SLC6A12: variants seen among roughly 807,000 people sequenced by gnomAD.
SLC6A12 encodes the protein solute carrier family 6 member 12, also known as sodium- and chloride-dependent betaine transporter.
A neutral mutation model predicts 73.3 loss-of-function variants in SLC6A12; 50 were observed. That is an observed-to-expected ratio of 0.68 (90% CI 0.54 to 0.86). The LOEUF (loss-of-function observed/expected upper bound fraction) is 0.86. Ranked by LOEUF, SLC6A12 falls within the 40% of genes least tolerant of loss-of-function variation. The probability of loss-of-function intolerance (pLI) is 0.00; values close to 1 mark genes in which losing one functional copy is unlikely to be tolerated. For missense variants in SLC6A12, 648 were observed against 772.8 expected, an observed-to-expected ratio of 0.84 and a Z score of 1.92; for synonymous variants, 304 against 309.2, an observed-to-expected ratio of 0.98 and a Z score of 0.18.
chr12:209,077 C>A (rs1940790441), intron 3 of SLC6A12, among the ~76,000 whole-genome samples: 2 of 152,140 alleles, frequency 1.3e-5, no homozygotes, highest in South Asian at 4.1e-4. Flanking sequence ...CTCATTCCAT[C>A]CCAGCCACAC....
chr12:201,631 G>T, intron 6 of SLC6A12, 131 bp downstream of exon 6: 2 of 702,124 alleles, frequency 2.8e-6, no homozygotes, highest in Non-Finnish European at 5.1e-6. Flanking sequence ...GTGTGGGGTT[G>T]GAGTGGGGCG....
At chr12:200,407 A>T (rs216241) in intron 7 of SLC6A12, among the ~76,000 whole-genome samples, 1 of 152,012 alleles carries the variant, frequency 6.6e-6, no homozygotes, top group African/African-American at 2.4e-5. Flanking sequence ...TGCACCCGGC[A>T]GCCCTGAATA....
intron 2 of SLC6A12, chr12:210,308 G>A: frequency 8.3e-7 from 1 of 1,209,412 alleles, no homozygotes; most frequent in Non-Finnish European, 1.0e-6. Flanking sequence ...CTCAGGCTCG[G>A]GCTTTTCATT....
intron 7 of SLC6A12, 74 bp from the exon 8 acceptor site, chr12:199,005 G>T: frequency 1.3e-6 from 2 of 1,515,118 alleles, no homozygotes; most frequent in Non-Finnish European, 1.8e-6. Context: ...CCCACAGGCA[G>T]CTCGAGTCAC....
At chr12:189,400 C>T (rs1390831716), downstream of SLC6A12, among the ~76,000 whole-genome samples, 1 of 152,176 alleles carries the variant, frequency 6.6e-6, no homozygotes, top group Non-Finnish European at 1.5e-5. Context: ...CTTCTCTCCC[C>T]ACTAGCCGGT....
intron 3 of SLC6A12, among the ~76,000 whole-genome samples, chr12:209,435 C>T (rs11061978): frequency 0.38 from 57,819 of 151,912 alleles, 11,877 homozygotes; most frequent in Non-Finnish European, 0.47. Context: ...GGGTCTGGCA[C>T]GTGACAGGCC....
Position 190,127 on chromosome 12 carries a change from G to A in SLC6A12, c.*941C>T. The stretch of plus-strand genomic sequence containing the variant: ...TTGTTAACTAAGGCAGGGGGTTAAT[G>A]GGAAGACACTGGCCTGAGCACAAGG... On this transcript the variant is annotated 3_prime_UTR_variant, in exon 16 of 16. Transcript: ENST00000684302. 1 of 152,274 alleles carries A rather than the reference G, an allele frequency of 6.6e-6. No individual in the cohort carries two copies. The highest frequency in any genetic ancestry group is 1.5e-5 in the Non-Finnish European group (1 of 68,082). 9.4% of individuals were successfully genotyped at this position (152,274 alleles called of 1,614,324 possible). A position where few individuals can be genotyped will look rare whatever the true frequency, so the allele number is the denominator to read the frequency against.
intron 3 of SLC6A12, among the ~76,000 whole-genome samples, chr12:207,228 G>A (rs1940696201): frequency 6.6e-6 from 1 of 152,244 alleles, no homozygotes; most frequent in Non-Finnish European, 1.5e-5. Flanking sequence ...ATGGGCACGG[G>A]CGGCCCAGCG....
At chr12:197,128 T>C (rs1591785747) in intron 10 of SLC6A12, among the ~76,000 whole-genome samples, 3 of 95,758 alleles carry the variant, frequency 3.1e-5, no homozygotes, top group African/African-American at 8.1e-5. Context: ...CATCCATCCA[T>C]CCATCCATCC....
chr12:207,291 G>C (rs558075714), intron 3 of SLC6A12, among the ~76,000 whole-genome samples: 1 of 152,352 alleles, frequency 6.6e-6, no homozygotes, highest in East Asian at 1.9e-4. Flanking sequence ...GACCTTTACC[G>C]ACACGGTGCC....
chr12:201,571 C>T (rs1754755633), intron 6 of SLC6A12, 191 bp downstream of exon 6: 2 of 586,016 alleles, frequency 3.4e-6, no homozygotes, highest in South Asian at 2.0e-5. Flanking sequence ...TGTGAGTCTC[C>T]GTGGACCCGT....
rs1003224730 is a variant in SLC6A12 at position 198,961 on chromosome 12, T to A, written c.712-30A>T. The A allele has an allele frequency of 6.2e-7, 1 of 1,612,776 alleles. No individual in the cohort carries two copies. Among genetic ancestry groups the A allele is most frequent in the Non-Finnish European group, 8.5e-7 (1 of 1,179,158 alleles). ...AGGTGGGGGGACAGGCCAAGGTCAC[T>A]CCTGGTGGGGACGCAGTGGCCCTCC... On this transcript the variant is annotated intron_variant, in intron 7 of 15. Transcript: ENST00000684302. This position sits in a 1 kb window ranked among gnomAD's most constrained non-coding sequence, Gnocchi z 4.0.
In SLC6A12 at chr12:204,665, A is replaced by C. The variant is rs1940529897; in HGVS notation, c.248T>G (p.Phe83Cys). The stretch of plus-strand genomic sequence containing the variant: ...GAAGAACACCGGGATGCCGCAGACA[A>C]AGAAGAAGATGAAGTAGGGGATGAA... Reference protein sequence around the residue: ...AFFIPYFIFFFVCGIPVFFLE... With the variant: ...AFFIPYFIFFCVCGIPVFFLE... Residue 83 changes from phenylalanine (F) to cysteine (C), a missense_variant, in exon 4 of 16, where the codon TTT becomes TGT. Phe to Cys is a radical substitution (Grantham distance 205). Coordinates refer to ENST00000684302, the MANE Select transcript of SLC6A12 (RefSeq NM_001122848.3). 3.7e-6 allele frequency: 6 copies of C among 1,614,086 alleles called. No homozygotes were observed. The highest frequency in any genetic ancestry group is 5.1e-6 in the Non-Finnish European group (6 of 1,179,962).
rs1321851033 is a variant in SLC6A12, at chr12:198,080, C to A, written c.847-77G>T. 16 of 1,164,340 alleles carry A rather than the reference C, an allele frequency of 1.4e-5. No individual in the cohort carries two copies. The Admixed American group carries it at 2.9e-4, about 21-fold the overall frequency. 72.1% of individuals were successfully genotyped at this position (1,164,340 alleles called of 1,614,324 possible). A position where few individuals can be genotyped will look rare whatever the true frequency, so the allele number is the denominator to read the frequency against. ...AGGGTGACCCGAGATCCAGACCCGT[C>A]CCCTGCAGCACCAGCCTGGCCCCTC... On this transcript the variant is annotated intron_variant, in intron 8 of 15. Transcript: ENST00000684302. The surrounding 1 kb of genome is among the most constrained non-coding windows in gnomAD (Gnocchi z 4.0).
chr12:186,062 G>A (rs985200802), downstream of SLC6A12, among the ~76,000 whole-genome samples: 3 of 152,074 alleles, frequency 2.0e-5, no homozygotes, highest in Admixed American at 6.5e-5. Context: ...GGTGAGCCCA[G>A]GGTCAGGGGA....
At position 197,422 on chromosome 12, in the gene SLC6A12, T is replaced by C; in HGVS notation, c.1030A>G (p.Met344Val). ...ATGGGCACCCCTTGCTCTTGGGACA[T>C]GAAGCCCAGGATGGAGAAGACAACA... Reference protein sequence around the residue: ...GFVVFSILGFMSQEQGVPISE... With the variant: ...GFVVFSILGFVSQEQGVPISE... Residue 344 changes from methionine (M) to valine (V), a missense_variant, in exon 10 of 16, where the codon ATG (methionine) becomes GTG (valine). Transcript: ENST00000684302. The C allele has an allele frequency of 6.2e-7, 1 of 1,613,816 alleles. No homozygotes were observed. The highest frequency in any genetic ancestry group is 8.5e-7 in the Non-Finnish European group (1 of 1,179,858).
Position 196,301 on chromosome 12 carries a change from C to T in SLC6A12, c.1189-40G>A, listed in dbSNP as rs372660597. The T allele has an allele frequency of 2.6e-4, 414 of 1,588,018 alleles. 2 individuals are homozygous for T. The highest frequency in any genetic ancestry group is 2.3e-4 in the East Asian group (10 of 44,146). On this transcript the variant is annotated intron_variant, in intron 11 of 15. Transcript: ENST00000684302. The stretch of plus-strand genomic sequence containing the variant: ...GGGAACTGGATGAGAGGGTGTGGGG[C>T]GGGCTGTTGGCCACCAGCCCTGGCC...
At chr12:200,908 C>T (rs577337491) in intron 6 of SLC6A12, 125 bp from the exon 7 acceptor site, 2 of 877,606 alleles carry the variant, frequency 2.3e-6, no homozygotes, top group African/African-American at 1.7e-5. Flanking sequence ...TTCCCCCACT[C>T]CCCACCTCCC....
In SLC6A12 at chr12:200,651, C is replaced by A; in HGVS notation, c.711G>T (p.Lys237Asn). 6.2e-7 allele frequency: 1 copy of A among 1,613,902 alleles called. No individual in the cohort carries two copies. Among genetic ancestry groups the A allele is most frequent in the Non-Finnish European group, 8.5e-7 (1 of 1,179,890 alleles). ...CIWKGVKSTG[K>N]VVYFTATFPY... Reference sequence around the variant, plus strand: ...CTTCCCAGGAGGCAGGACATCTCACCTTGCCTGTGGACTTGACCCCCTTCC... The same window carrying A: ...CTTCCCAGGAGGCAGGACATCTCACATTGCCTGTGGACTTGACCCCCTTCC... The change falls in exon 7 of 16, where the codon AAG becomes AAT. Residue 237 changes from lysine to asparagine, a missense_variant and splice_region_variant. Coordinates refer to ENST00000684302, the MANE Select transcript of SLC6A12 (RefSeq NM_001122848.3).
Sources: allele counts gnomAD v4.1 joint callset (sites outside exome capture counted in the v4.1 genomes callset), GRCh38; gene constraint gnomAD v4.1.1; non-coding constraint Gnocchi (gnomAD v3.1); transcripts MANE v1.5; gene names NCBI Gene and HGNC (gene_info 2026-07-23, HGNC 2026-07-21).